The following HAL variants were observed in gnomAD, a reference collection of about 807,000 sequenced individuals.
HAL encodes histidase.
A neutral mutation model predicts 81.1 loss-of-function variants in HAL; 85 were observed. The observed-to-expected ratio is 1.05, with a 90% CI of 0.88 to 1.25. The LOEUF is 1.25. Ranked by LOEUF, HAL falls within the 50% of genes most tolerant of loss-of-function variation. The probability of loss-of-function intolerance (pLI) is 0.00; values close to 1 mark genes in which losing one functional copy is unlikely to be tolerated. For missense variants in HAL, 798 were observed against 836.6 expected, an observed-to-expected ratio of 0.95 and a Z score of 0.57; for synonymous variants, 301 against 309.2, an observed-to-expected ratio of 0.97 and a Z score of 0.28.
rs1168026861 is a variant in HAL, at chr12:95,980,523, G to C, written c.1519+33C>G. 4.4e-6 allele frequency: 7 copies of C among 1,602,716 alleles called. No individual in the cohort carries two copies. The East Asian group carries it at 1.6e-4, about 36-fold the overall frequency. ...AATGGAAAGACCCTTAGATGGACGG[G>C]CGTGTGTTCTGGGAAAGGGGCAGTG... On this transcript the variant is annotated intron_variant, in intron 17 of 20. Coordinates refer to ENST00000261208, the MANE Select transcript of HAL (RefSeq NM_002108.4).
chr12:95,996,162 G>A lies in HAL; in HGVS notation c.-166C>T, dbSNP rs1353604146. Reference sequence around the variant, plus strand: ...GAGCCTCCTGTCCACTTTCCATCCAGACCTGCTGCCAGAAAGGCCTGGGGT... The same window carrying A: ...GAGCCTCCTGTCCACTTTCCATCCAAACCTGCTGCCAGAAAGGCCTGGGGT... On this transcript the variant is annotated 5_prime_UTR_variant, in exon 1 of 21. Transcript: ENST00000261208. The A allele has an allele frequency of 3.9e-6, 2 of 506,730 alleles. No individual in the cohort carries two copies. Among genetic ancestry groups the A allele is most frequent in the Non-Finnish European group, 7.3e-6 (2 of 275,610 alleles). 31.4% of individuals were successfully genotyped at this position (506,730 alleles called of 1,614,324 possible). A position where few individuals can be genotyped will look rare whatever the true frequency, so the allele number is the denominator to read the frequency against.
intron 11 of HAL, 44 bp from the exon 12 acceptor site, chr12:95,987,258 C>G: frequency 6.5e-7 from 1 of 1,535,036 alleles, no homozygotes; most frequent in Non-Finnish European, 9.0e-7. Flanking sequence ...ATTATTGTAA[C>G]GAACCTACAT....
At chr12:95,987,009 C>T (rs548503971) in intron 12 of HAL, 58 bp downstream of exon 12, 59 of 1,473,786 alleles carry the variant, frequency 4.0e-5, no homozygotes, top group Middle Eastern at 2.2e-4. Flanking sequence ...ATCTCAGCCA[C>T]CCCGCCCCAC....
chr12:95,987,893 G>C (rs1459871643), intron 11 of HAL, among the ~76,000 whole-genome samples: 2 of 144,238 alleles, frequency 1.4e-5, no homozygotes, highest in Non-Finnish European at 3.0e-5. Context: ...CTTTTTTGGC[G>C]GGGCGGGGGG....
intron 20 of HAL, among the ~76,000 whole-genome samples, chr12:95,975,498 C>G (rs1481419376): frequency 6.6e-6 from 1 of 151,910 alleles, no homozygotes; most frequent in Non-Finnish European, 1.5e-5. Context: ...GGCAACATAG[C>G]AAGACCCGCA....
intron 10 of HAL, among the ~76,000 whole-genome samples, chr12:95,988,794 G>A (rs186459577): frequency 1.3e-5 from 2 of 152,278 alleles, no homozygotes; most frequent in South Asian, 2.1e-4. Context: ...ACAGAATCCC[G>A]AGGGGGCGAT....
At chr12:95,986,391 G>GACAC (rs755002415) in intron 12 of HAL, among the ~76,000 whole-genome samples, 7 of 152,092 alleles carry the variant, frequency 4.6e-5, no homozygotes, top group Non-Finnish European at 8.8e-5. Context: ...CTACGGTGCT[G>GACAC]ACACAGCCCT....
At chr12:95,989,703 G>A (rs1394282958) in intron 10 of HAL, 1 of 155,638 alleles carries the variant, frequency 6.4e-6, no homozygotes, top group Non-Finnish European at 1.4e-5. Context: ...AGGGTGGTCG[G>A]AGGAAAACGC....
chr12:95,987,888 T>C (rs568956669), intron 11 of HAL, among the ~76,000 whole-genome samples: 1 of 126,672 alleles, frequency 7.9e-6, no homozygotes, highest in African/African-American at 2.9e-5. Flanking sequence ...TTTGTCTTTT[T>C]TGGCGGGGCG....
Position 95,972,845 on chromosome 12 carries a change from G to A in HAL, c.*1387C>T, listed in dbSNP as rs2080668613. ...GAGCGAAGAGCACCATGAGACCACT[G>A]GGGGTTACTGGCTCAATGGCAGCCC... is the stretch of plus-strand genomic sequence containing the variant. On this transcript the variant is annotated 3_prime_UTR_variant, in exon 21 of 21. Transcript: ENST00000261208. 6.6e-6 allele frequency: 1 copy of A among 152,186 alleles called. No homozygotes were observed. Among genetic ancestry groups the A allele is most frequent in the African/African-American group, 2.4e-5 (1 of 41,438 alleles). 9.4% of individuals were successfully genotyped at this position (152,186 alleles called of 1,614,324 possible).
intron 15 of HAL, chr12:95,983,698 G>A: frequency 6.7e-6 from 4 of 596,148 alleles, no homozygotes; most frequent in South Asian, 2.0e-5. Context: ...TGTTAGACTT[G>A]GAACCTGAGA....
At chr12:95,992,300 A>G (rs972173348) in intron 9 of HAL, among the ~76,000 whole-genome samples, 1 of 152,226 alleles carries the variant, frequency 6.6e-6, no homozygotes, top group African/African-American at 2.4e-5. Flanking sequence ...CACCAACCAG[A>G]ACTACTGAAT....
chr12:95,976,170 A>G (rs980079523), intron 20 of HAL: 2 of 502,832 alleles, frequency 4.0e-6, no homozygotes, highest in East Asian at 3.8e-5. Context: ...TTTTTTCCCC[A>G]TGAATATTGT....
chr12:95,977,043 GT>G lies in HAL; in HGVS notation c.1655-338del, dbSNP rs144512229. Among the ~76,000 whole-genome samples the G allele has an allele frequency of 9.8e-3, 1,493 of 152,310 alleles. 19 individuals are homozygous for G. The highest frequency in any genetic ancestry group is 0.035 in the African/African-American group (1,445 of 41,558). On this transcript the variant is annotated intron_variant, in intron 18 of 20. Coordinates refer to ENST00000261208, the MANE Select transcript of HAL (RefSeq NM_002108.4). ...CCTCTAACAAAGGTTTGTTGGCCAA[GT>G]TTGGGTCATGTGGGTAGGGAAGGAA...
Position 95,978,132 on chromosome 12 carries a change from A to C in HAL, c.1520-54T>G, listed in dbSNP as rs2080746573. 2.0e-6 allele frequency: 3 copies of C among 1,488,534 alleles called. No individual in the cohort carries two copies. The South Asian group carries it at 3.4e-5, about 17-fold the overall frequency. The allele number at this position is 1,488,534 out of a possible 1,614,324, so 92.2% of individuals were successfully genotyped here. On this transcript the variant is annotated intron_variant, in intron 17 of 20. Coordinates refer to ENST00000261208, the MANE Select transcript of HAL (RefSeq NM_002108.4). ...TGCTCCTCACAGGATGAGCTGTCTAAAGGACCCGTGGCTTCCACAGAGTGC... is the reference window on the plus strand; with the variant it reads ...TGCTCCTCACAGGATGAGCTGTCTACAGGACCCGTGGCTTCCACAGAGTGC...
At chr12:95,993,635 C>G (rs779462446) in intron 7 of HAL, 137 bp downstream of exon 7, 1 of 827,712 alleles carries the variant, frequency 1.2e-6, no homozygotes, top group South Asian at 1.4e-5. Context: ...GTTTTCAATA[C>G]CAACTCACAT....
chr12:95,986,847 C>T (rs1423808899), intron 12 of HAL, among the ~76,000 whole-genome samples: 1 of 152,086 alleles, frequency 6.6e-6, no homozygotes, highest in East Asian at 1.9e-4. Context: ...GCAAGTCACT[C>T]AACTTCCGGG....
At chr12:95,990,144 T>G (rs955556404) in intron 10 of HAL, 4 of 538,012 alleles carry the variant, frequency 7.4e-6, no homozygotes, top group African/African-American at 5.7e-5. Context: ...ATAGTTGGGA[T>G]TAACAGTAGC....
intron 15 of HAL, 79 bp from the exon 16 acceptor site, chr12:95,980,942 C>G: frequency 1.2e-6 from 1 of 861,928 alleles, no homozygotes; most frequent in East Asian, 2.4e-5. Flanking sequence ...TCTTTTTTAA[C>G]GTGGAGGTGG....
Sources: allele counts gnomAD v4.1 joint callset (sites outside exome capture counted in the v4.1 genomes callset), GRCh38; gene constraint gnomAD v4.1.1; transcripts MANE v1.5; gene names NCBI Gene and HGNC (gene_info 2026-07-23, HGNC 2026-07-21).